The following PARN variants were observed in gnomAD, a reference collection of about 807,000 sequenced individuals.
PARN encodes poly(A)-specific ribonuclease PARN.
Under a neutral mutation model 102.8 loss-of-function variants are expected in PARN, and 71 were observed. The observed-to-expected ratio is 0.69, with a 90% CI of 0.57 to 0.84. The LOEUF (loss-of-function observed/expected upper bound fraction) is 0.84, where lower values mean the gene tolerates loss of function less well. PARN is among the 40% of genes least tolerant of loss of function. PARN has a pLI of 0.00. For missense variants in PARN, 782 were observed against 760.9 expected, an observed-to-expected ratio of 1.03 and a Z score of -0.33; for synonymous variants, 261 against 252.9, an observed-to-expected ratio of 1.03 and a Z score of -0.30.
At position 14,613,560 on chromosome 16, in the gene PARN, T is replaced by G. The variant is rs540451268; in HGVS notation, c.389-2751A>C. 2.0e-5 allele frequency among the ~76,000 whole-genome samples: 3 copies of G among 151,192 alleles called. No homozygotes were observed. In the South Asian group the frequency reaches 6.3e-4, roughly 32 times the overall value. Reference sequence around the variant, plus strand: ...ATCACGTGAATCTGGGAGGTAGAGGTTGCAGTGAGCCAAGATCACGCCACT... The same window carrying G: ...ATCACGTGAATCTGGGAGGTAGAGGGTGCAGTGAGCCAAGATCACGCCACT... On this transcript the variant is annotated intron_variant, in intron 6 of 23. Transcript: ENST00000437198.
At chr16:14,540,397 TACA>T (rs1966794790) in intron 21 of PARN, among the ~76,000 whole-genome samples, 1 of 152,144 alleles carries the variant, frequency 6.6e-6, no homozygotes. Context: ...ACTGGCCAAC[TACA>T]AAAGGCACCA....
intron 22 of PARN, among the ~76,000 whole-genome samples, chr16:14,450,872 A>C (rs1218847177): frequency 2.0e-5 from 3 of 152,166 alleles, no homozygotes; most frequent in Non-Finnish European, 4.4e-5. Flanking sequence ...TGTGCCCTCT[A>C]ATTTATTAGG....
At chr16:14,623,494 C>CA (rs1306830310) in intron 5 of PARN, among the ~76,000 whole-genome samples, 2 of 142,880 alleles carry the variant, frequency 1.4e-5, no homozygotes, top group East Asian at 2.1e-4. Flanking sequence ...AGCCTGGAAA[C>CA]AGAGCAAAAC....
chr16:14,518,979 A>G (rs1359362741), intron 21 of PARN, among the ~76,000 whole-genome samples: 1 of 152,010 alleles, frequency 6.6e-6, no homozygotes, highest in Non-Finnish European at 1.5e-5. Flanking sequence ...CAAAAGACAA[A>G]TCTTAAGCCA....
chr16:14,566,335 GGA>G (rs1189561892), intron 18 of PARN, among the ~76,000 whole-genome samples: 1 of 152,210 alleles, frequency 6.6e-6, no homozygotes, highest in East Asian at 1.9e-4. Context: ...CAGAGGAGGA[GGA>G]GGCAATGTGA....
At chr16:14,568,570 T>C (rs1007279930) in intron 18 of PARN, among the ~76,000 whole-genome samples, 5 of 152,022 alleles carry the variant, frequency 3.3e-5, no homozygotes, top group Non-Finnish European at 5.9e-5. Flanking sequence ...CACTCCAGCC[T>C]GAGTGACAGA....
At chr16:14,455,490 T>G (rs913793239) in intron 22 of PARN, among the ~76,000 whole-genome samples, 2 of 152,200 alleles carry the variant, frequency 1.3e-5, no homozygotes, top group Non-Finnish European at 2.9e-5. Flanking sequence ...ATTCAAACAC[T>G]GGAAAACACC....
chr16:14,626,139 G>A (rs904556912), intron 5 of PARN, among the ~76,000 whole-genome samples: 3 of 151,980 alleles, frequency 2.0e-5, no homozygotes, highest in Non-Finnish European at 4.4e-5. Flanking sequence ...CCTAATTAGT[G>A]AGCTTGAGAA....
intron 23 of PARN, among the ~76,000 whole-genome samples, chr16:14,442,511 A>G (rs1239648360): frequency 6.6e-6 from 1 of 152,224 alleles, no homozygotes. Flanking sequence ...AACCATACTT[A>G]CAAGAAAAAT....
chr16:14,436,892 G>A (rs1250722044), intron 23 of PARN, 120 bp from the exon 24 acceptor site: 1 of 722,470 alleles, frequency 1.4e-6, no homozygotes, highest in African/African-American at 1.8e-5. Flanking sequence ...GCCAGCGTCT[G>A]GCTAAACAGC....
At chr16:14,630,054 G>A (rs2151827578) in intron 1 of PARN, 53 bp downstream of exon 1, 1 of 1,504,478 alleles carries the variant, frequency 6.6e-7, no homozygotes, top group East Asian at 2.4e-5. Flanking sequence ...CGGCCTAGCA[G>A]GCCAGGGGCA....
intron 22 of PARN, among the ~76,000 whole-genome samples, chr16:14,478,829 T>TGAAA (rs1289291609): frequency 1.3e-5 from 2 of 152,222 alleles, no homozygotes; most frequent in Non-Finnish European, 2.9e-5. Flanking sequence ...TCCCCCAGGC[T>TGAAA]GAAGTGCAAT....
chr16:14,561,007 A>C (rs901589706), intron 18 of PARN, among the ~76,000 whole-genome samples: 1 of 152,150 alleles, frequency 6.6e-6, no homozygotes, highest in Non-Finnish European at 1.5e-5. Context: ...AAATACAAAA[A>C]TTAGCTGGGT....
intron 13 of PARN, among the ~76,000 whole-genome samples, chr16:14,588,715 TA>T (rs141773154): frequency 1.3e-5 from 2 of 151,608 alleles, no homozygotes; most frequent in Non-Finnish European, 2.9e-5. Context: ...CCATCTCCAC[TA>T]AAAAAAATTA....
intron 20 of PARN, among the ~76,000 whole-genome samples, chr16:14,553,495 A>G (rs1260829856): frequency 6.6e-6 from 1 of 152,214 alleles, no homozygotes; most frequent in African/African-American, 2.4e-5. Context: ...AAGAATTTCC[A>G]AAGAGAATAG....
intron 21 of PARN, among the ~76,000 whole-genome samples, chr16:14,549,072 T>C (rs1210486175): frequency 2.0e-5 from 3 of 152,002 alleles, no homozygotes; most frequent in African/African-American, 7.2e-5. Flanking sequence ...AAGGAGGGCA[T>C]AGTCAGGTTC....
intron 21 of PARN, among the ~76,000 whole-genome samples, chr16:14,530,927 AAAACAC>A (rs1489703673): frequency 6.6e-6 from 1 of 152,176 alleles, no homozygotes; most frequent in Non-Finnish European, 1.5e-5. Flanking sequence ...TCTGAAGACA[AAAACAC>A]TTGTTATCTG....
At chr16:14,624,806 C>A (rs1679183001) in intron 5 of PARN, among the ~76,000 whole-genome samples, 1 of 151,940 alleles carries the variant, frequency 6.6e-6, no homozygotes, top group African/African-American at 2.4e-5. Flanking sequence ...AATCCCAGCA[C>A]TTTGGGAGGC....
intron 23 of PARN, among the ~76,000 whole-genome samples, chr16:14,442,210 TC>T (rs757627869): frequency 6.6e-6 from 1 of 152,122 alleles, no homozygotes; most frequent in Non-Finnish European, 1.5e-5. Flanking sequence ...CCTGAGATTC[TC>T]CAGAGAAGTG....
Sources: gnomAD v4.1 joint callset for allele counts (sites outside exome capture counted in the v4.1 genomes callset) on GRCh38, gnomAD v4.1.1 for gene constraint, MANE v1.5 for transcripts, NCBI Gene and HGNC (gene_info 2026-07-23, HGNC 2026-07-21) for gene names.